UBAC2: variants seen among roughly 807,000 people sequenced by gnomAD.
The protein encoded by UBAC2 is UBA domain containing 2.
UBAC2 carries 26 observed loss-of-function variants against 44.0 expected under a neutral mutation model. That is an observed-to-expected ratio of 0.59 (90% confidence interval 0.43 to 0.82). The LOEUF is 0.82. Ranked by LOEUF, UBAC2 falls within the 40% of genes least tolerant of loss-of-function variation. The pLI is 0.00. For missense variants in UBAC2, 329 were observed against 419.4 expected (o/e 0.78, Z 1.88); for synonymous variants, 155 against 154.3 (o/e 1.00, Z -0.04).
chr13:99,319,906 A>G (rs1157558362), intron 6 of UBAC2, among the ~76,000 whole-genome samples: 1 of 152,184 alleles, frequency 6.6e-6, no homozygotes, highest in Non-Finnish European at 1.5e-5. Context: ...ATGCCTGAGG[A>G]TGTACTGTTT....
At chr13:99,254,692 GAA>G (rs1168605486) in intron 4 of UBAC2, 2 of 551,092 alleles carry the variant, frequency 3.6e-6, no homozygotes, top group Non-Finnish European at 6.2e-6. Flanking sequence ...GACTAGGAAA[GAA>G]AAATCAGATG....
chr13:99,201,471 G>A, intron 1 of UBAC2: 30 of 1,614,206 alleles, frequency 1.9e-5, no homozygotes, highest in Non-Finnish European at 2.5e-5. Context: ...TGATGAGAGT[G>A]CTTTCAAGTG....
intron 1 of UBAC2, among the ~76,000 whole-genome samples, chr13:99,230,404 G>A (rs996831640): frequency 6.6e-6 from 1 of 152,166 alleles, no homozygotes; most frequent in South Asian, 2.1e-4. Context: ...AGGCGTCAGA[G>A]GTTGCAGTGA....
At chr13:99,237,816 A>G (rs2043256133) in intron 1 of UBAC2, among the ~76,000 whole-genome samples, 3 of 152,104 alleles carry the variant, frequency 2.0e-5, no homozygotes, top group Non-Finnish European at 4.4e-5. Flanking sequence ...TTAGCCAGGC[A>G]TGGTGGCACG....
At chr13:99,250,317 A>G (rs1370184694) in intron 4 of UBAC2, among the ~76,000 whole-genome samples, 1 of 152,198 alleles carries the variant, frequency 6.6e-6, no homozygotes, top group Non-Finnish European at 1.5e-5. Context: ...TGAATAAGGA[A>G]TCCTTTCACC....
chr13:99,347,741 A>G (rs1415703912), intron 7 of UBAC2, among the ~76,000 whole-genome samples: 1 of 150,724 alleles, frequency 6.6e-6, no homozygotes, highest in African/African-American at 2.4e-5. Flanking sequence ...CATTAAGCAC[A>G]GGCATGTGAT....
At chr13:99,279,903 T>C (rs2043930726) in intron 4 of UBAC2, among the ~76,000 whole-genome samples, 1 of 152,212 alleles carries the variant, frequency 6.6e-6, no homozygotes, top group African/African-American at 2.4e-5. Context: ...GATTTTAACA[T>C]GTGAATTTGG....
At chr13:99,210,388 C>T (rs1488938953) in intron 1 of UBAC2, among the ~76,000 whole-genome samples, 2 of 151,954 alleles carry the variant, frequency 1.3e-5, no homozygotes, top group Non-Finnish European at 2.9e-5. Context: ...TATCTCAATA[C>T]TATTTTCTTG....
intron 4 of UBAC2, among the ~76,000 whole-genome samples, chr13:99,253,546 CT>C (rs1476592090): frequency 2.0e-5 from 3 of 151,936 alleles, no homozygotes; most frequent in African/African-American, 7.3e-5. Context: ...CGGAGTCTCG[CT>C]TTGTCACCCA....
chr13:99,227,205 A>T lies in UBAC2; in HGVS notation c.32-11222A>T, dbSNP rs192005138. Among the ~76,000 whole-genome samples, 1,124 of 152,026 alleles carry T rather than the reference A, an allele frequency of 7.4e-3. 10 individuals are homozygous for T. Among genetic ancestry groups the T allele is most frequent in the South Asian group, 0.055 (265 of 4,812 alleles). ...AAGAGCGAAACTCCATCTCAAAAAA[A>T]AAAAAACAACAAAAAAAGACGGCAC... is the stretch of plus-strand genomic sequence containing the variant. On this transcript the variant is annotated intron_variant, in intron 1 of 8. Transcript: ENST00000403766.
chr13:99,209,031 C>T (rs1303857733), intron 1 of UBAC2, among the ~76,000 whole-genome samples: 2 of 152,216 alleles, frequency 1.3e-5, no homozygotes, highest in African/African-American at 4.8e-5. Context: ...GAACCTAAGA[C>T]CCTCTGCTGG....
At chr13:99,254,783 A>G in intron 4 of UBAC2, 1 of 875,306 alleles carries the variant, frequency 1.1e-6, no homozygotes, top group Admixed American at 2.7e-5. Context: ...TTCAAGAGAA[A>G]AGGGACTTGA....
intron 6 of UBAC2, among the ~76,000 whole-genome samples, chr13:99,333,854 C>G (rs887782176): frequency 6.6e-6 from 1 of 152,088 alleles, no homozygotes; most frequent in Non-Finnish European, 1.5e-5. Flanking sequence ...TGGCCTCCCC[C>G]CCATAAATTA....
At chr13:99,331,830 T>C (rs1386225922) in intron 6 of UBAC2, among the ~76,000 whole-genome samples, 1 of 152,230 alleles carries the variant, frequency 6.6e-6, no homozygotes, top group African/African-American at 2.4e-5. Flanking sequence ...AAATGTAAGA[T>C]GCATCAGGGC....
intron 4 of UBAC2, among the ~76,000 whole-genome samples, chr13:99,288,889 CTA>C: frequency 6.6e-6 from 1 of 152,254 alleles, no homozygotes; most frequent in East Asian, 1.9e-4. Context: ...GGAGCACTGT[CTA>C]TGTTCAGGGT....
intron 4 of UBAC2, among the ~76,000 whole-genome samples, chr13:99,292,672 A>C (rs2044107221): frequency 6.6e-6 from 1 of 151,094 alleles, no homozygotes; most frequent in African/African-American, 2.4e-5. Flanking sequence ...CTCGCTGAAT[A>C]GTCAGTGAAT....
At chr13:99,278,561 G>C (rs1016534333) in intron 4 of UBAC2, among the ~76,000 whole-genome samples, 4 of 152,024 alleles carry the variant, frequency 2.6e-5, no homozygotes, top group African/African-American at 9.7e-5. Flanking sequence ...AATCATCATA[G>C]CTTGAAAAAT....
chr13:99,295,290 A>T lies in UBAC2; in HGVS notation c.390-18807A>T, dbSNP rs150670001. The T allele has an allele frequency of 3.8e-5, 61 of 1,614,070 alleles. No individual in the cohort carries two copies. The highest frequency in any genetic ancestry group is 5.0e-5 in the Non-Finnish European group (59 of 1,180,028). On this transcript the variant is annotated intron_variant, in intron 4 of 8. Coordinates refer to ENST00000403766, the MANE Select transcript of UBAC2 (RefSeq NM_001144072.2). The surrounding 1 kb of genome is among the most constrained non-coding windows in gnomAD (Gnocchi z 4.1). ...ACTGTAAAGTGCAGAGAAATCTGGA[A>T]CGAATGTCTTTGGCTACATTCCAGG...
intron 1 of UBAC2, among the ~76,000 whole-genome samples, chr13:99,212,761 A>G (rs1040741011): frequency 3.3e-5 from 5 of 152,180 alleles, no homozygotes; most frequent in Admixed American, 1.3e-4. Context: ...TTATGTGTGC[A>G]TATAAATACA....
Sources: allele counts gnomAD v4.1 joint callset (sites outside exome capture counted in the v4.1 genomes callset), GRCh38; gene constraint gnomAD v4.1.1; non-coding constraint Gnocchi (gnomAD v3.1); transcripts MANE v1.5; gene names NCBI Gene and HGNC (gene_info 2026-07-23, HGNC 2026-07-21).